Variants in KALRN observed in about 807,000 individuals in gnomAD.
KALRN encodes the protein kalirin RhoGEF kinase.
In KALRN, 70 loss-of-function variants were observed where a neutral mutation model predicts 353.7. The observed-to-expected ratio is 0.20, with a 90% CI of 0.16 to 0.24. The LOEUF (loss-of-function observed/expected upper bound fraction) is 0.24, where lower values mean the gene tolerates loss of function less well. KALRN is among the 10% of genes least tolerant of loss of function. KALRN has a pLI of 1.00. For synonymous variants in KALRN, 1,391 were observed against 1,434.8 expected (o/e 0.97, Z 0.69); for missense variants, 2,791 against 3,756.7 (o/e 0.74, Z 6.72).
chr3:124,664,925 A>G lies in KALRN; in HGVS notation c.6346-1524A>G, dbSNP rs528751794. 3.9e-5 allele frequency among the ~76,000 whole-genome samples: 6 copies of G among 152,330 alleles called. 1 individual carries two copies. The highest frequency in any genetic ancestry group is 4.1e-4 in the South Asian group (2 of 4,822). On this transcript the variant is annotated intron_variant, in intron 45 of 59. Transcript: ENST00000682506. ...CTTTCCCTTTGGTGCTGGCCGAGCT[A>G]TAACCCATGATAGGTTCTTGTGTAA... is the stretch of plus-strand genomic sequence containing the variant.
intron 37 of KALRN, among the ~76,000 whole-genome samples, chr3:124,642,233 G>A (rs762601818): frequency 2.0e-5 from 3 of 152,022 alleles, no homozygotes; most frequent in Non-Finnish European, 4.4e-5. Flanking sequence ...GCAGTGAGCC[G>A]AGATCGCGCC....
chr3:124,604,601 C>T (rs2077135149), intron 34 of KALRN, among the ~76,000 whole-genome samples: 1 of 152,116 alleles, frequency 6.6e-6, no homozygotes, highest in Non-Finnish European at 1.5e-5. Flanking sequence ...ATGTAATTTC[C>T]ATTCTATTGG....
chr3:124,666,425 C>T (rs745785984), intron 45 of KALRN, 24 bp from the exon 46 acceptor site: 1 of 1,610,512 alleles, frequency 6.2e-7, no homozygotes, highest in South Asian at 1.1e-5. Flanking sequence ...TCATTCACTT[C>T]ACCCCAGCCC....
At chr3:124,074,755 G>T (rs1166656702) in intron 1 of KALRN, among the ~76,000 whole-genome samples, 2 of 152,148 alleles carry the variant, frequency 1.3e-5, no homozygotes, top group African/African-American at 4.8e-5. Flanking sequence ...TATAAGACAA[G>T]TTCTAGTGTC....
At chr3:124,180,367 T>C (rs944717946) in intron 1 of KALRN, among the ~76,000 whole-genome samples, 19 of 152,192 alleles carry the variant, frequency 1.2e-4, no homozygotes, top group African/African-American at 4.6e-4. Flanking sequence ...CCAGAGTTCC[T>C]CTGCCATGTG....
intron 3 of KALRN, among the ~76,000 whole-genome samples, chr3:124,260,705 G>T (rs749504885): frequency 1.3e-5 from 2 of 152,072 alleles, no homozygotes; most frequent in Admixed American, 1.3e-4. Flanking sequence ...TGGGGTGGAG[G>T]GGGTGGGGTG....
chr3:124,176,140 C>CT (rs1010399144), intron 1 of KALRN, among the ~76,000 whole-genome samples: 5 of 152,036 alleles, frequency 3.3e-5, no homozygotes, highest in African/African-American at 1.2e-4. Context: ...TGGCATTACT[C>CT]TTTTTTAGCT....
At chr3:124,362,392 AG>A (rs1325704043) in intron 10 of KALRN, among the ~76,000 whole-genome samples, 2 of 152,238 alleles carry the variant, frequency 1.3e-5, no homozygotes, top group African/African-American at 2.4e-5. Context: ...AAATGTAGCC[AG>A]GTTTGAGACA....
chr3:124,278,967 T>C (rs925170232), intron 5 of KALRN, among the ~76,000 whole-genome samples: 4 of 152,230 alleles, frequency 2.6e-5, no homozygotes, highest in African/African-American at 9.6e-5. Context: ...CCTGTTCCTC[T>C]TCTACTCCCT....
chr3:124,530,340 C>T (rs2067936221), intron 33 of KALRN, among the ~76,000 whole-genome samples: 1 of 152,076 alleles, frequency 6.6e-6, no homozygotes, highest in African/African-American at 2.4e-5. Context: ...AGAATGATCT[C>T]GCCTCCCTTT....
At position 124,498,510 on chromosome 3, in the gene KALRN, A is replaced by G. The variant is rs568454548; in HGVS notation, c.4935+2097A>G. Among the ~76,000 whole-genome samples the G allele has an allele frequency of 1.8e-3, 281 of 152,340 alleles. 1 individual carries two copies. Among genetic ancestry groups the G allele is most frequent in the Non-Finnish European group, 3.6e-3 (244 of 68,028 alleles). On this transcript the variant is annotated intron_variant, in intron 33 of 59. Coordinates refer to ENST00000682506, the MANE Select transcript of KALRN (RefSeq NM_001388419.1). ...AAAATGGCTGGTCTCAGGAAACTCC[A>G]GGATTAAGAGGCAGCTAAAACCAGT...
chr3:124,340,081 T>G (rs1483601986), intron 9 of KALRN, among the ~76,000 whole-genome samples: 3 of 152,136 alleles, frequency 2.0e-5, no homozygotes, highest in African/African-American at 7.2e-5. Flanking sequence ...GCAAATCAAA[T>G]GAACCCCCTG....
At chr3:124,285,904 AGT>A (rs1435493408) in intron 5 of KALRN, among the ~76,000 whole-genome samples, 3 of 152,124 alleles carry the variant, frequency 2.0e-5, no homozygotes, top group Admixed American at 2.0e-4. Flanking sequence ...AAAGGCACCT[AGT>A]GGCAAACCAA....
In KALRN at chr3:124,456,596, C is replaced by T; in HGVS notation, c.3736-14C>T. 6.3e-7 allele frequency: 1 copy of T among 1,580,296 alleles called. No homozygotes were observed. The highest frequency in any genetic ancestry group is 8.7e-7 in the Non-Finnish European group (1 of 1,151,548). ...AGCATCACAAGGTGACCTTTGTGAT[C>T]CCTCCATGTGCAGGATAATAAGGAC... On this transcript the variant is annotated splice_polypyrimidine_tract_variant and intron_variant, in intron 22 of 59. Coordinates refer to ENST00000682506, the MANE Select transcript of KALRN (RefSeq NM_001388419.1).
At chr3:124,663,848 A>G (rs952772758) in intron 45 of KALRN, among the ~76,000 whole-genome samples, 2 of 152,146 alleles carry the variant, frequency 1.3e-5, no homozygotes, top group African/African-American at 4.8e-5. Context: ...GGGATAGTAT[A>G]TTTAAGTTAG....
intron 23 of KALRN, among the ~76,000 whole-genome samples, chr3:124,460,302 C>T (rs1192217080): frequency 6.6e-6 from 1 of 152,084 alleles, no homozygotes; most frequent in Non-Finnish European, 1.5e-5. Flanking sequence ...CTATACCTGG[C>T]CAGATCTTCC....
intron 34 of KALRN, among the ~76,000 whole-genome samples, chr3:124,600,062 T>A (rs1167590044): frequency 6.6e-6 from 1 of 152,158 alleles, no homozygotes; most frequent in Non-Finnish European, 1.5e-5. Flanking sequence ...GTGAGATGTG[T>A]GTGTAGGAGT....
intron 33 of KALRN, 155 bp from the exon 34 acceptor site, chr3:124,562,688 G>A (rs1001940763): frequency 2.2e-5 from 12 of 551,882 alleles, no homozygotes; most frequent in Non-Finnish European, 3.4e-5. Flanking sequence ...CCATCTCTCT[G>A]CCCTAAACAC....
Position 124,663,415 on chromosome 3 carries a change from G to T in KALRN, c.6345+1487G>T, listed in dbSNP as rs777224683. Among the ~76,000 whole-genome samples the T allele has an allele frequency of 7.9e-5, 12 of 152,326 alleles. 1 individual carries two copies. The highest frequency in any genetic ancestry group is 6.8e-3 in the Middle Eastern group (2 of 294). ...GACTTCAACATAGGAATTGATGGGG[G>T]CATGGAAGGAGAGAAAACACAATTC... On this transcript the variant is annotated intron_variant, in intron 45 of 59. Transcript: ENST00000682506.
Sources: allele counts gnomAD v4.1 joint callset (sites outside exome capture counted in the v4.1 genomes callset), GRCh38; gene constraint gnomAD v4.1.1; transcripts MANE v1.5; gene names NCBI Gene and HGNC (gene_info 2026-07-23, HGNC 2026-07-21).